Variants in TUBGCP5 observed in about 807,000 individuals in gnomAD.
TUBGCP5 encodes the protein tubulin gamma complex component 5.
TUBGCP5 carries 98 observed loss-of-function variants against 134.7 expected under a neutral mutation model. The ratio of observed to expected loss-of-function variants is 0.73; its 90% CI spans 0.62 to 0.86. The LOEUF (loss-of-function observed/expected upper bound fraction) is 0.86. Among genes scored for constraint, TUBGCP5 ranks in the 40% least tolerant of loss-of-function variants. The probability of loss-of-function intolerance (pLI) is 0.00; values close to 1 mark genes in which losing one functional copy is unlikely to be tolerated. For synonymous variants in TUBGCP5, 456 were observed against 431.4 expected, an observed-to-expected ratio of 1.06 and a Z score of -0.71; for missense variants, 1,150 against 1,244.8, an observed-to-expected ratio of 0.92 and a Z score of 1.15.
At chr15:23,007,945 G>A (rs1336212445) in intron 16 of TUBGCP5, among the ~76,000 whole-genome samples, 1 of 152,156 alleles carries the variant, frequency 6.6e-6, no homozygotes, top group African/African-American at 2.4e-5. Flanking sequence ...AGTTCTGAGA[G>A]GTCAGGGGCA....
chr15:23,030,545 G>A (rs192015197), intron 6 of TUBGCP5, among the ~76,000 whole-genome samples: 122 of 144,800 alleles, frequency 8.4e-4, no homozygotes, highest in Non-Finnish European at 1.4e-3. Context: ...GTCTCGCTCT[G>A]TTGCCAGAGC....
At chr15:22,990,102 G>C (rs1276675650) in intron 23 of TUBGCP5, among the ~76,000 whole-genome samples, 2 of 152,130 alleles carry the variant, frequency 1.3e-5, no homozygotes, top group Admixed American at 1.3e-4. Flanking sequence ...GGCACTCACA[G>C]GCAGATTCCT....
chr15:23,008,033 G>A (rs2064826927), intron 16 of TUBGCP5, among the ~76,000 whole-genome samples: 1 of 152,158 alleles, frequency 6.6e-6, no homozygotes, highest in African/African-American at 2.4e-5. Context: ...CCATGTGAAG[G>A]AGGCCATCAG....
intron 1 of TUBGCP5, among the ~76,000 whole-genome samples, chr15:23,038,327 G>T (rs891977643): frequency 1.3e-4 from 20 of 152,188 alleles, no homozygotes; most frequent in Admixed American, 1.2e-3. Context: ...ATCTGTGAAT[G>T]AAAATAGTAA....
Position 23,000,606 on chromosome 15 carries a change from A to C in TUBGCP5, c.2991T>G (p.Ile997Met), listed in dbSNP as rs936605832. ...FKNCHMFLVT[I>M]LNKAVCRGSF... ...ATCCTCTACAGACGGCTTTGTTTAA[A>C]ATGGTTACAAGAAACATATGGCAGT... Residue 997 changes from isoleucine (I) to methionine (M), a missense_variant, in exon 22 of 23, where the codon ATT (isoleucine) becomes ATG (methionine). Physicochemically the swap from Ile to Met is conservative, Grantham distance 10. Around this residue, in one of 2 missense-constraint regions of TUBGCP5, gnomAD observed 697 missense variants for 850.1 expected, o/e 0.82. Transcript: ENST00000615383. The C allele has an allele frequency of 6.2e-7, 1 of 1,611,694 alleles. No homozygotes were observed. Among genetic ancestry groups the C allele is most frequent in the Non-Finnish European group, 8.5e-7 (1 of 1,178,228 alleles).
At chr15:23,039,306 T>G in intron 1 of TUBGCP5, 92 bp downstream of exon 1, 1 of 1,216,620 alleles carries the variant, frequency 8.2e-7, no homozygotes, top group Non-Finnish European at 1.0e-6. Flanking sequence ...CCCCATGCCC[T>G]GCCCCAGCGC....
At chr15:23,030,248 G>A (rs2066228911) in intron 6 of TUBGCP5, among the ~76,000 whole-genome samples, 1 of 152,096 alleles carries the variant, frequency 6.6e-6, no homozygotes, top group African/African-American at 2.4e-5. Flanking sequence ...CTCCCAAGTA[G>A]CTGAAAGGAA....
At chr15:23,010,850 A>T (rs1750847931) in intron 14 of TUBGCP5, among the ~76,000 whole-genome samples, 1 of 152,010 alleles carries the variant, frequency 6.6e-6, no homozygotes, top group Non-Finnish European at 1.5e-5. Context: ...ATGGTGGCAC[A>T]TGCCTCTAGT....
In TUBGCP5 at chr15:23,028,516, A is replaced by G. The variant is rs544928168; in HGVS notation, c.623-1210T>C. Among the ~76,000 whole-genome samples, 17 of 152,266 alleles carry G rather than the reference A, an allele frequency of 1.1e-4. No homozygotes were observed. In the South Asian group the frequency reaches 3.5e-3, roughly 32 times the overall value. On this transcript the variant is annotated intron_variant, in intron 6 of 22. Coordinates refer to ENST00000615383, the MANE Select transcript of TUBGCP5 (RefSeq NM_052903.6). ...TCAGAAAATCTATCGATGCATTATT[A>G]GGATAAAAGAGAAAAGTTATGAGAT... is the stretch of plus-strand genomic sequence containing the variant.
chr15:23,039,286 C>T lies in TUBGCP5; in HGVS notation c.146+112G>A, dbSNP rs896381965. On this transcript the variant is annotated intron_variant, in intron 1 of 22. Transcript: ENST00000615383. ...CCTGCGAAGGCTCCCTGAGGCCGCGCCCGCCTCCGCCCCATGCCCTGCCCC... is the reference window on the plus strand; with the variant it reads ...CCTGCGAAGGCTCCCTGAGGCCGCGTCCGCCTCCGCCCCATGCCCTGCCCC... 42 of 1,175,086 alleles carry T rather than the reference C, an allele frequency of 3.6e-5. No homozygotes were observed. In the African/African-American group the frequency reaches 5.8e-4, roughly 16 times the overall value. 72.8% of individuals were successfully genotyped at this position (1,175,086 alleles called of 1,614,324 possible).
At position 23,030,865 on chromosome 15, in the gene TUBGCP5, C is replaced by A; in HGVS notation, c.622+20G>T. 6.3e-7 allele frequency: 1 copy of A among 1,594,124 alleles called. No individual in the cohort carries two copies. ...GAATTTGTCTATTAGAAAATGCGAGCACCTCATAACACATAATACCTTTCC... is the reference window on the plus strand; with the variant it reads ...GAATTTGTCTATTAGAAAATGCGAGAACCTCATAACACATAATACCTTTCC... On this transcript the variant is annotated intron_variant, in intron 6 of 22. Coordinates refer to ENST00000615383, the MANE Select transcript of TUBGCP5 (RefSeq NM_052903.6).
At chr15:22,983,243 C>G (rs930153562) in exon 24 of TUBGCP5, 1 of 152,102 alleles carries the variant, frequency 6.6e-6, no homozygotes, top group Non-Finnish European at 1.5e-5. Context: ...CAAATAAACA[C>G]GTAACATTCA....
chr15:23,006,754 C>T (rs887802861), intron 16 of TUBGCP5, among the ~76,000 whole-genome samples: 1 of 152,070 alleles, frequency 6.6e-6, no homozygotes, highest in African/African-American at 2.4e-5. Flanking sequence ...GCTTCGAGAG[C>T]CCCATCGAGA....
intron 3 of TUBGCP5, among the ~76,000 whole-genome samples, chr15:23,036,466 CT>C (rs879318837): frequency 4.3e-4 from 63 of 146,162 alleles, no homozygotes; most frequent in Admixed American, 6.2e-4. Flanking sequence ...AGGATAACAG[CT>C]TTTTTTTTTT....
intron 15 of TUBGCP5, among the ~76,000 whole-genome samples, chr15:23,009,300 G>C (rs2064900397): frequency 6.8e-6 from 1 of 146,808 alleles, no homozygotes. Flanking sequence ...ATGGAGTCTT[G>C]CTCTGTCGCC....
At chr15:23,019,187 C>T (rs1247325348) in intron 12 of TUBGCP5, 32 bp downstream of exon 12, 1 of 1,505,046 alleles carries the variant, frequency 6.6e-7, no homozygotes, top group Non-Finnish European at 9.2e-7. Flanking sequence ...TGATGCCAGC[C>T]CCCAGTGACC....
Position 23,022,178 on chromosome 15 carries a change from A to C in TUBGCP5, c.1169-17T>G, listed in dbSNP as rs755710456. ...TTGTAGTATCTGCAAATATCAATAA[A>C]TCAAACTCAACAGCAAGGAAAAATA... On this transcript the variant is annotated splice_polypyrimidine_tract_variant and intron_variant, in intron 10 of 22. Transcript: ENST00000615383. 5.9e-5 allele frequency: 95 copies of C among 1,611,996 alleles called. 1 individual carries two copies. In the Middle Eastern group the frequency reaches 1.3e-3, roughly 22 times the overall value.
chr15:23,000,382 G>A lies in TUBGCP5; in HGVS notation c.3028+187C>T, dbSNP rs962352903. The A allele has an allele frequency of 2.7e-5, 37 of 1,362,956 alleles. No individual in the cohort carries two copies. The African/African-American group carries it at 4.0e-4, about 15-fold the overall frequency. 84.4% of individuals were successfully genotyped at this position (1,362,956 alleles called of 1,614,324 possible). A position where few individuals can be genotyped will look rare whatever the true frequency, so the allele number is the denominator to read the frequency against. ...GTATACCAGAAAGTAAGATCCTCAG[G>A]CTTACACTCACCTCACCGTAATGCT... On this transcript the variant is annotated intron_variant, in intron 22 of 22. Transcript: ENST00000615383.
intron 11 of TUBGCP5, among the ~76,000 whole-genome samples, chr15:23,021,446 T>C (rs1442343471): frequency 5.3e-5 from 8 of 152,292 alleles, no homozygotes; most frequent in Admixed American, 4.6e-4. Flanking sequence ...CCTCCCAAAG[T>C]GTTGGGATTA....
Sources: gnomAD v4.1 joint callset for allele counts (sites outside exome capture counted in the v4.1 genomes callset) on GRCh38, gnomAD v4.1.1 for gene constraint, gnomAD v4.1.1 regional missense constraint, MANE v1.5 for transcripts, NCBI Gene and HGNC (gene_info 2026-07-23, HGNC 2026-07-21) for gene names.